The following FRY variants were observed in gnomAD, a reference collection of about 807,000 sequenced individuals.
FRY encodes the protein FRY microtubule binding protein.
In FRY, 128 loss-of-function variants were observed where a neutral mutation model predicts 348.4. That is an observed-to-expected ratio of 0.37 (90% CI 0.32 to 0.43). FRY has a LOEUF of 0.43. Ranked by LOEUF, FRY falls within the 20% of genes least tolerant of loss-of-function variation. FRY has a pLI of 1.00. For missense variants in FRY, 2,736 were observed against 3,695.2 expected (o/e 0.74, Z 6.73); for synonymous variants, 1,370 against 1,374.7 (o/e 1.00, Z 0.08).
At chr13:32,126,752 C>G (rs1205483415) in intron 7 of FRY, among the ~76,000 whole-genome samples, 1 of 152,194 alleles carries the variant, frequency 6.6e-6, no homozygotes, top group Non-Finnish European at 1.5e-5. Flanking sequence ...CATAAGTACA[C>G]CAGGACCATT....
At chr13:32,121,751 TC>T (rs1878670503) in intron 4 of FRY, among the ~76,000 whole-genome samples, 1 of 152,260 alleles carries the variant, frequency 6.6e-6, no homozygotes, top group Admixed American at 6.5e-5. Context: ...TGCTGACTGT[TC>T]CTTTTGCCGT....
intron 51 of FRY, chr13:32,257,971 A>G: frequency 6.2e-7 from 1 of 1,607,014 alleles, no homozygotes; most frequent in Non-Finnish European, 8.5e-7. Flanking sequence ...CAGGAACTTC[A>G]GGTAAGATGA....
At chr13:32,130,052 G>A (rs1417090841) in intron 7 of FRY, among the ~76,000 whole-genome samples, 1 of 138,098 alleles carries the variant, frequency 7.2e-6, no homozygotes, top group East Asian at 2.1e-4. Context: ...ACCTCCCCCA[G>A]CCTTTTTTTT....
At chr13:32,215,845 C>A (rs1174937890) in intron 35 of FRY, among the ~76,000 whole-genome samples, 1 of 152,150 alleles carries the variant, frequency 6.6e-6, no homozygotes, top group African/African-American at 2.4e-5. Flanking sequence ...GCTGGGATTA[C>A]AGGTATGAGT....
intron 33 of FRY, 62 bp downstream of exon 33, chr13:32,209,793 C>A: frequency 6.6e-7 from 1 of 1,521,574 alleles, no homozygotes; most frequent in African/African-American, 1.4e-5. Flanking sequence ...GTGCAATTTG[C>A]AAGTCAGAAT....
intron 26 of FRY, 149 bp from the exon 27 acceptor site, chr13:32,186,111 C>T: frequency 1.5e-6 from 1 of 688,016 alleles, no homozygotes; most frequent in South Asian, 1.7e-5. Context: ...GAAAATGTGG[C>T]TTGACTTTTT....
chr13:32,179,002 C>A lies in FRY; in HGVS notation c.2840C>A (p.Thr947Lys). Residue 947 changes from threonine (T) to lysine (K), a missense_variant, in exon 22 of 61, where the codon ACA (threonine) becomes AAA (lysine). Transcript: ENST00000542859. ...RASTPEIMATTPDGTVSYDNK... is the reference protein window; with the variant it reads ...RASTPEIMATKPDGTVSYDNK... Reference sequence around the variant, plus strand: ...TCCACTCCAGAAATAATGGCGACCACACCTGATGGTACAGTGAGCTACGAT... The same window carrying A: ...TCCACTCCAGAAATAATGGCGACCAAACCTGATGGTACAGTGAGCTACGAT... The A allele has an allele frequency of 6.2e-7, 1 of 1,613,774 alleles. No homozygotes were observed. The highest frequency in any genetic ancestry group is 8.5e-7 in the Non-Finnish European group (1 of 1,179,716).
chr13:32,078,779 C>G lies in FRY; in HGVS notation c.71-55C>G, dbSNP rs1238744996. 6.4e-6 allele frequency: 8 copies of G among 1,255,104 alleles called. No individual in the cohort carries two copies. The East Asian group carries it at 1.9e-4, about 29-fold the overall frequency. The allele number at this position is 1,255,104 out of a possible 1,614,324, so 77.7% of individuals were successfully genotyped here. On this transcript the variant is annotated intron_variant, in intron 1 of 60. Coordinates refer to ENST00000542859, the MANE Select transcript of FRY (RefSeq NM_023037.3). ...ATATTTATGGTTTAACACAGTCCAT[C>G]TGAATATTTATGACATTATTATCAG...
At chr13:32,233,498 A>G (rs1031890505) in intron 41 of FRY, among the ~76,000 whole-genome samples, 1 of 152,342 alleles carries the variant, frequency 6.6e-6, no homozygotes, top group Non-Finnish European at 1.5e-5. Context: ...CCTTTGTACA[A>G]TTGGAAAAAC....
chr13:32,171,048 T>G lies in FRY; in HGVS notation c.1929T>G (p.Ile643Met), dbSNP rs745380568. 4 of 1,610,988 alleles carry G rather than the reference T, an allele frequency of 2.5e-6. No individual in the cohort carries two copies. Among genetic ancestry groups the G allele is most frequent in the Non-Finnish European group, 2.5e-6 (3 of 1,177,258 alleles). ...SIHMDDELRH[I>M]AQNSLQGLLV... Reference sequence around the variant, plus strand: ...ATATGGATGATGAATTGCGACATATTGCACAAAATTCTCTTCAGGGTTTAC... The same window carrying G: ...ATATGGATGATGAATTGCGACATATGGCACAAAATTCTCTTCAGGGTTTAC... Residue 643 changes from isoleucine (I) to methionine (M), a missense_variant, in exon 18 of 61, where the codon ATT becomes ATG. This residue lies in a region of FRY where 449 missense variants were observed against 576.9 expected (regional missense o/e 0.78). Coordinates refer to ENST00000542859, the MANE Select transcript of FRY (RefSeq NM_023037.3).
At chr13:32,106,972 G>A in intron 3 of FRY, among the ~76,000 whole-genome samples, 1 of 152,026 alleles carries the variant, frequency 6.6e-6, no homozygotes, top group East Asian at 1.9e-4. Flanking sequence ...AAAACTTCAT[G>A]TTTTCTTTTA....
Position 32,249,565 on chromosome 13 carries a change from T to C in FRY, c.7048T>C (p.Ser2350Pro). ...GAGGCGGTATGATGAGCTGCAGAAT[T>C]CTTCTGGGCGTGATGGGAAGCCCAG... ...IGRRYDELQN[S>P]SGRDGKPRAM... The change falls in exon 49 of 61, where the codon TCT becomes CCT. Residue 2350 changes from serine (S) to proline (P), a missense_variant. Coordinates refer to ENST00000542859, the MANE Select transcript of FRY (RefSeq NM_023037.3). 1 of 1,614,208 alleles carries C rather than the reference T, an allele frequency of 6.2e-7. No homozygotes were observed. The highest frequency in any genetic ancestry group is 8.5e-7 in the Non-Finnish European group (1 of 1,180,022).
At position 32,161,517 on chromosome 13, in the gene FRY, A is replaced by G. The variant is rs547780404; in HGVS notation, c.1892+266A>G. Among the ~76,000 whole-genome samples, 5 of 152,338 alleles carry G rather than the reference A, an allele frequency of 3.3e-5. No homozygotes were observed. In the East Asian group the frequency reaches 7.7e-4, roughly 24 times the overall value. On this transcript the variant is annotated intron_variant, in intron 17 of 60. Coordinates refer to ENST00000542859, the MANE Select transcript of FRY (RefSeq NM_023037.3). Reference sequence around the variant, plus strand: ...CTAATGGCACAAAAATATACAATACATGATTCGTGGGTAAGAGATTACTAT... The same window carrying G: ...CTAATGGCACAAAAATATACAATACGTGATTCGTGGGTAAGAGATTACTAT...
At chr13:32,060,686 A>T (rs1029384761) in intron 1 of FRY, among the ~76,000 whole-genome samples, 1 of 152,126 alleles carries the variant, frequency 6.6e-6, no homozygotes, top group African/African-American at 2.4e-5. Context: ...CAGCGTGTGT[A>T]TTTGCTATGC....
chr13:32,130,905 T>G (rs1197602779), intron 7 of FRY, among the ~76,000 whole-genome samples: 4 of 151,882 alleles, frequency 2.6e-5, no homozygotes, highest in African/African-American at 4.8e-5. Flanking sequence ...AACCTCTGCC[T>G]CCCGGGTTCA....
intron 51 of FRY, among the ~76,000 whole-genome samples, chr13:32,260,772 A>G (rs1192097958): frequency 6.6e-6 from 1 of 151,964 alleles, no homozygotes; most frequent in Non-Finnish European, 1.5e-5. Context: ...GCAAGCTGAG[A>G]TCGCGCCACT....
chr13:32,165,982 C>T (rs1881712365), intron 17 of FRY, among the ~76,000 whole-genome samples: 2 of 152,186 alleles, frequency 1.3e-5, no homozygotes, highest in Non-Finnish European at 2.9e-5. Context: ...GCAGACAGGG[C>T]CCAGGACCAT....
intron 29 of FRY, among the ~76,000 whole-genome samples, chr13:32,196,169 A>G (rs1237150953): frequency 6.6e-6 from 1 of 152,234 alleles, no homozygotes; most frequent in African/African-American, 2.4e-5. Context: ...CTGAAAAGTC[A>G]TATGCAAACT....
chr13:32,274,495 C>CAGG (rs36080157), intron 55 of FRY, among the ~76,000 whole-genome samples: 10,286 of 150,752 alleles, frequency 0.068, 472 homozygotes, highest in African/African-American at 0.12. Context: ...ATCACAAGGT[C>CAGG]AGATCGAGAC....
Sources: allele counts gnomAD v4.1 joint callset (sites outside exome capture counted in the v4.1 genomes callset), GRCh38; gene constraint gnomAD v4.1.1; regional missense constraint gnomAD v4.1.1; transcripts MANE v1.5; gene names NCBI Gene and HGNC (gene_info 2026-07-23, HGNC 2026-07-21).